GCSAML: variants seen among roughly 807,000 people sequenced by gnomAD.
GCSAML encodes the protein germinal center associated signaling and motility like, also known as germinal center-associated signaling and motility-like protein.
In GCSAML, 9 loss-of-function variants were observed where a neutral mutation model predicts 13.0. That is an observed-to-expected ratio of 0.69 (90% CI 0.42 to 1.21). The LOEUF is 1.21. Ranked by LOEUF, GCSAML falls within the 50% of genes most tolerant of loss-of-function variation. The pLI, the probability that GCSAML is intolerant of heterozygous loss-of-function variation, is 0.00. For missense variants in GCSAML, 143 were observed against 153.4 expected (o/e 0.93, Z 0.36); for synonymous variants, 37 against 52.9 (o/e 0.70, Z 1.31).
At chr1:247,523,024 A>C (rs1474195958) in intron 1 of GCSAML, among the ~76,000 whole-genome samples, 1 of 152,214 alleles carries the variant, frequency 6.6e-6, no homozygotes, top group Non-Finnish European at 1.5e-5. Flanking sequence ...AGTTTTAGAA[A>C]ATATATATGA....
chr1:247,530,081 TTC>T (rs776642986), intron 2 of GCSAML: 2 of 152,100 alleles, frequency 1.3e-5, no homozygotes, highest in Non-Finnish European at 2.9e-5. Context: ...ATATTTTTGG[TTC>T]TGTTTCTCTG....
upstream of GCSAML, among the ~76,000 whole-genome samples, chr1:247,547,561 T>C (rs927985243): frequency 1.3e-5 from 2 of 152,372 alleles, no homozygotes; most frequent in South Asian, 2.1e-4. Context: ...AAAGATTTAT[T>C]TCAGTAGCTC....
intron 3 of GCSAML, among the ~76,000 whole-genome samples, chr1:247,564,905 A>C (rs1001727824): frequency 1.3e-5 from 2 of 152,224 alleles, no homozygotes; most frequent in African/African-American, 4.8e-5. Flanking sequence ...ACCCAAAATT[A>C]TAAAAACCCT....
intron 2 of GCSAML, among the ~76,000 whole-genome samples, chr1:247,557,281 C>T (rs1231941067): frequency 2.6e-5 from 4 of 152,094 alleles, no homozygotes; most frequent in South Asian, 2.1e-4. Flanking sequence ...ATAGACCATA[C>T]GCACTTTAAC....
chr1:247,535,132 G>A (rs1667165492), intron 2 of GCSAML, among the ~76,000 whole-genome samples: 1 of 152,132 alleles, frequency 6.6e-6, no homozygotes, highest in African/African-American at 2.4e-5. Flanking sequence ...GGGCAACATA[G>A]TGAGAGATTG....
intron 1 of GCSAML, among the ~76,000 whole-genome samples, chr1:247,555,523 C>T (rs1467870926): frequency 6.6e-6 from 1 of 152,178 alleles, no homozygotes; most frequent in East Asian, 1.9e-4. Context: ...GTGTTGATAT[C>T]TAGCAATGTT....
upstream of GCSAML, among the ~76,000 whole-genome samples, chr1:247,547,110 A>G (rs528788836): frequency 2.0e-5 from 3 of 152,148 alleles, no homozygotes; most frequent in South Asian, 6.2e-4. Flanking sequence ...CTCAAAGACA[A>G]AAACAAACAA....
intron 2 of GCSAML, chr1:247,530,734 C>T: frequency 6.5e-6 from 1 of 154,548 alleles, no homozygotes; most frequent in South Asian, 1.9e-4. Flanking sequence ...CTTGGAAATA[C>T]GACCCGTCAG....
chr1:247,556,525 A>T lies in GCSAML; in HGVS notation c.89+59A>T. 3.2e-6 allele frequency: 4 copies of T among 1,247,344 alleles called. No homozygotes were observed. The South Asian group carries it at 5.2e-5, about 16-fold the overall frequency. 77.3% of individuals were successfully genotyped at this position (1,247,344 alleles called of 1,614,324 possible). Reference sequence around the variant, plus strand: ...TGTTTTGTTTTGTTTTTTCATTGAGATTACTTCCAGAGTCTCTGCCCCACT... The same window carrying T: ...TGTTTTGTTTTGTTTTTTCATTGAGTTTACTTCCAGAGTCTCTGCCCCACT... On this transcript the variant is annotated intron_variant, in intron 2 of 4. Coordinates refer to ENST00000366488, the MANE Select transcript of GCSAML (RefSeq NM_145278.5).
intron 1 of GCSAML, among the ~76,000 whole-genome samples, chr1:247,522,171 CGT>C (rs1666460438): frequency 6.7e-6 from 1 of 150,030 alleles, no homozygotes; most frequent in African/African-American, 2.5e-5. Flanking sequence ...AAGTGAGGAG[CGT>C]CTCCGCCCGG....
rs895076104 is a variant in GCSAML at position 247,566,710 on chromosome 1, A to G, written c.168+751A>G. On this transcript the variant is annotated intron_variant, in intron 4 of 4. Transcript: ENST00000366488. ...TGCATTGACAAGTATGGTGGAAACTATAACATATGGAAAAAAGTTTATTCC... is the reference window on the plus strand; with the variant it reads ...TGCATTGACAAGTATGGTGGAAACTGTAACATATGGAAAAAAGTTTATTCC... Among the ~76,000 whole-genome samples, 8 of 152,232 alleles carry G rather than the reference A, an allele frequency of 5.3e-5. No homozygotes were observed. The South Asian group carries it at 6.2e-4, about 12-fold the overall frequency.
intron 1 of GCSAML, among the ~76,000 whole-genome samples, chr1:247,521,342 CA>C (rs1558235844): frequency 3.6e-5 from 5 of 138,540 alleles, no homozygotes; most frequent in Non-Finnish European, 7.7e-5. Flanking sequence ...TCTCCCTCTC[CA>C]CGGTCTCCCT....
At chr1:247,541,508 G>A (rs1370327214) in intron 2 of GCSAML, among the ~76,000 whole-genome samples, 1 of 152,126 alleles carries the variant, frequency 6.6e-6, no homozygotes, top group East Asian at 1.9e-4. Flanking sequence ...TGGAACCAAG[G>A]TGGAGCCCAA....
rs951445830 is a variant in GCSAML at position 247,556,405 on chromosome 1, A to G, written c.30-2A>G. Reference sequence around the variant, plus strand: ...TCTTTTTTCTTATGTGTTTCCATATAGTTGCCTGGGAGAGAATCAAAAGAA... The same window carrying G: ...TCTTTTTTCTTATGTGTTTCCATATGGTTGCCTGGGAGAGAATCAAAAGAA... On this transcript the variant is annotated splice_acceptor_variant, in intron 1 of 4. Coordinates refer to ENST00000366488, the MANE Select transcript of GCSAML (RefSeq NM_145278.5). LOFTEE classifies it high-confidence loss of function. 1.2e-6 allele frequency: 2 copies of G among 1,606,614 alleles called. No individual in the cohort carries two copies. Among genetic ancestry groups the G allele is most frequent in the Non-Finnish European group, 8.5e-7 (1 of 1,173,738 alleles).
At chr1:247,543,175 G>A (rs1271141765) in intron 2 of GCSAML, among the ~76,000 whole-genome samples, 4 of 152,218 alleles carry the variant, frequency 2.6e-5, no homozygotes, top group Non-Finnish European at 5.9e-5. Context: ...CTCTAGTACA[G>A]TATGTCTTTC....
At chr1:247,555,476 A>T (rs1045506813) in intron 1 of GCSAML, among the ~76,000 whole-genome samples, 3 of 152,216 alleles carry the variant, frequency 2.0e-5, no homozygotes, top group Non-Finnish European at 4.4e-5. Flanking sequence ...ATATTCCTTT[A>T]TATTTAACAA....
intron 3 of GCSAML, among the ~76,000 whole-genome samples, chr1:247,565,155 T>G (rs111374574): frequency 6.6e-6 from 1 of 151,982 alleles, no homozygotes; most frequent in South Asian, 2.1e-4. Context: ...GTCAGGAGAT[T>G]GAGACCATCC....
At chr1:247,535,287 C>G (rs1294251071) in intron 2 of GCSAML, among the ~76,000 whole-genome samples, 1 of 152,110 alleles carries the variant, frequency 6.6e-6, no homozygotes, top group East Asian at 1.9e-4. Context: ...TGCACTCCAG[C>G]CTGGGCAACA....
chr1:247,556,875 C>A (rs1313508920), intron 2 of GCSAML, among the ~76,000 whole-genome samples: 1 of 152,068 alleles, frequency 6.6e-6, no homozygotes, highest in Non-Finnish European at 1.5e-5. Flanking sequence ...GAATAAAATG[C>A]AAACTCTTCA....
Sources: allele counts gnomAD v4.1 joint callset (sites outside exome capture counted in the v4.1 genomes callset), GRCh38; gene constraint gnomAD v4.1.1; transcripts MANE v1.5; gene names NCBI Gene and HGNC (gene_info 2026-07-23, HGNC 2026-07-21).